PRR5: variants seen among roughly 807,000 people sequenced by gnomAD.
The protein encoded by PRR5 is proline-rich protein 5.
PRR5 carries 25 observed loss-of-function variants against 30.6 expected under a neutral mutation model. The ratio of observed to expected loss-of-function variants is 0.82; its 90% CI spans 0.60 to 1.14. The LOEUF is 1.14. Among genes scored for constraint, PRR5 ranks in the 50% most tolerant of loss-of-function variants. The pLI is 0.00. For missense variants in PRR5, 600 were observed against 547.1 expected, an observed-to-expected ratio of 1.10 and a Z score of -0.96; for synonymous variants, 286 against 247.1, an observed-to-expected ratio of 1.16 and a Z score of -1.48.
intron 1 of PRR5, 73 bp from the exon 2 acceptor site, chr22:44,714,518 G>C: frequency 6.3e-7 from 1 of 1,581,328 alleles, no homozygotes; most frequent in Non-Finnish European, 8.6e-7. Context: ...AGGGAAAGAG[G>C]AATGGGGCCT....
chr22:44,716,009 GCA>G (rs1375111510), intron 2 of PRR5, among the ~76,000 whole-genome samples: 2 of 152,180 alleles, frequency 1.3e-5, no homozygotes, highest in Non-Finnish European at 2.9e-5. Context: ...CCAGCAGCAG[GCA>G]CAGTCCCCAG....
At chr22:44,687,476 G>A (rs373240485) in intron 1 of PRR5, among the ~76,000 whole-genome samples, 52 of 152,308 alleles carry the variant, frequency 3.4e-4, no homozygotes, top group African/African-American at 1.1e-3. Context: ...GCAGACCCAT[G>A]GCTAGAGTCC....
At chr22:44,714,758 C>T in intron 2 of PRR5, 87 bp downstream of exon 2, 1 of 1,532,146 alleles carries the variant, frequency 6.5e-7, no homozygotes, top group Middle Eastern at 2.1e-4. Flanking sequence ...AGGCCCCTGA[C>T]CCGCCAGCCA....
intron 1 of PRR5, among the ~76,000 whole-genome samples, chr22:44,705,394 G>T (rs1927029568): frequency 6.6e-6 from 1 of 152,078 alleles, no homozygotes; most frequent in African/African-American, 2.4e-5. Flanking sequence ...TGTGATCTCA[G>T]CTCACTGCAG....
At chr22:44,717,267 C>T (rs951130646) in intron 2 of PRR5, among the ~76,000 whole-genome samples, 3 of 147,374 alleles carry the variant, frequency 2.0e-5, no homozygotes, top group Non-Finnish European at 4.5e-5. Context: ...TCTCAGCTCA[C>T]TGCGACCTCC....
intron 1 of PRR5, among the ~76,000 whole-genome samples, chr22:44,696,754 T>TATTTATTTATTTATTG (rs397801311): frequency 4.6e-5 from 7 of 152,008 alleles, no homozygotes; most frequent in African/African-American, 1.7e-4. Flanking sequence ...TTTATTTATT[T>TATTTATTTATTTATTG]GAGATGCAGT....
intron 2 of PRR5, among the ~76,000 whole-genome samples, chr22:44,723,178 G>A (rs1184112584): frequency 6.6e-6 from 1 of 151,764 alleles, no homozygotes; most frequent in Non-Finnish European, 1.5e-5. Flanking sequence ...TAGATGGGGT[G>A]TCACCATGTT....
intron 4 of PRR5, among the ~76,000 whole-genome samples, chr22:44,727,008 T>TA (rs1431623906): frequency 7.2e-5 from 11 of 152,280 alleles, no homozygotes; most frequent in Middle Eastern, 3.4e-3. Flanking sequence ...AGGTCACCGA[T>TA]ACTCACAGAG....
upstream of PRR5, among the ~76,000 whole-genome samples, chr22:44,673,396 A>G (rs1254177519): frequency 1.3e-5 from 2 of 152,234 alleles, no homozygotes; most frequent in Non-Finnish European, 2.9e-5. Context: ...AGCTCTTGGG[A>G]GGCACTGGAC....
At chr22:44,672,147 C>G (rs910754138), upstream of PRR5, among the ~76,000 whole-genome samples, 13 of 152,210 alleles carry the variant, frequency 8.5e-5, no homozygotes, top group African/African-American at 3.1e-4. Flanking sequence ...GGGCCTGGCC[C>G]AAGGAAGCCC....
At chr22:44,674,291 T>G (rs77906408), upstream of PRR5, among the ~76,000 whole-genome samples, 5,878 of 152,222 alleles carry the variant, frequency 0.039, 230 homozygotes, top group African/African-American at 0.089. Context: ...GTTTGTTTTT[T>G]GTTTTTGGTT....
intron 1 of PRR5, among the ~76,000 whole-genome samples, chr22:44,690,097 G>C (rs1296331179): frequency 6.6e-6 from 1 of 152,064 alleles, no homozygotes; most frequent in African/African-American, 2.4e-5. Flanking sequence ...CTGAGCACTG[G>C]GGCCCAAGGA....
At chr22:44,712,501 G>A (rs946582547) in intron 1 of PRR5, among the ~76,000 whole-genome samples, 2 of 152,208 alleles carry the variant, frequency 1.3e-5, no homozygotes, top group Admixed American at 1.3e-4. Context: ...GTGTGGGGAC[G>A]CTGCCTGGGA....
upstream of PRR5, chr22:44,702,170 A>C (rs1409254983): frequency 1.8e-5 from 12 of 684,984 alleles, no homozygotes; most frequent in African/African-American, 1.0e-4. Flanking sequence ...GGGCGCCGAG[A>C]CCCGCCCCTG....
chr22:44,735,034 A>T lies in PRR5; in HGVS notation c.563A>T (p.His188Leu). The part of the protein sequence containing the change: ...VQMLLVLQGV[H>L]ESRGVTEDYL... ...TGCCCCACTCTCCTGCAGGGGGTAC[A>T]TGAGTCCAGGGGCGTGACTGAGGAC... Residue 188 changes from histidine (H) to leucine (L), a missense_variant, in exon 7 of 8, where the codon CAT becomes CTT. His to Leu is a moderately conservative substitution (Grantham distance 99, BLOSUM62 -3). Transcript: ENST00000336985. 2 of 1,612,530 alleles carry T rather than the reference A, an allele frequency of 1.2e-6. No individual in the cohort carries two copies. Among genetic ancestry groups the T allele is most frequent in the Non-Finnish European group, 1.7e-6 (2 of 1,179,466 alleles).
At chr22:44,729,788 C>A in intron 4 of PRR5, 1 of 985,492 alleles carries the variant, frequency 1.0e-6, no homozygotes, top group Non-Finnish European at 1.2e-6. Flanking sequence ...CTGCTTTCCG[C>A]AGCATTTCCG....
chr22:44,675,796 T>TTATTAC (rs1289110495), upstream of PRR5, among the ~76,000 whole-genome samples: 456 of 146,346 alleles, frequency 3.1e-3, 6 homozygotes, highest in African/African-American at 0.011. Flanking sequence ...ATTATTATTA[T>TTATTAC]TACTTAGGTC....
chr22:44,715,480 G>A (rs886640525), intron 2 of PRR5, among the ~76,000 whole-genome samples: 5 of 152,198 alleles, frequency 3.3e-5, no homozygotes, highest in African/African-American at 1.2e-4. Context: ...AGCTGAAGGG[G>A]CCCTTACATG....
In PRR5 at chr22:44,702,458, A is replaced by C. The variant is rs1236414780; in HGVS notation, c.-17A>C. On this transcript the variant is annotated 5_prime_UTR_variant, in exon 1 of 8. Coordinates refer to ENST00000336985, the MANE Select transcript of PRR5 (RefSeq NM_181333.4). ...CGTGGGGCGCGCGTGGGCGCGGCGC[A>C]GGCGGCCCGGGTCACCATGAGGACT... 4 of 1,340,392 alleles carry C rather than the reference A, an allele frequency of 3.0e-6. No homozygotes were observed. Among genetic ancestry groups the C allele is most frequent in the Non-Finnish European group, 3.8e-6 (4 of 1,039,934 alleles). The allele number at this position is 1,340,392 out of a possible 1,614,324, so 83.0% of individuals were successfully genotyped here. A position where few individuals can be genotyped will look rare whatever the true frequency, so the allele number is the denominator to read the frequency against.
Sources: allele counts gnomAD v4.1 joint callset (sites outside exome capture counted in the v4.1 genomes callset), GRCh38; gene constraint gnomAD v4.1.1; transcripts MANE v1.5; gene names NCBI Gene and HGNC (gene_info 2026-07-23, HGNC 2026-07-21).